The following WWC2 variants were observed in gnomAD, a reference collection of about 807,000 sequenced individuals.
The protein encoded by WWC2 is WW and C2 domain containing 2, also known as protein WWC2.
Under a neutral mutation model 138.5 loss-of-function variants are expected in WWC2, and 101 were observed. The observed-to-expected ratio is 0.73, with a 90% CI of 0.62 to 0.86. The LOEUF (loss-of-function observed/expected upper bound fraction) is 0.86, where lower values mean the gene tolerates loss of function less well. Ranked by LOEUF, WWC2 falls within the 40% of genes least tolerant of loss-of-function variation. The probability of loss-of-function intolerance (pLI) is 0.00; values close to 1 mark genes in which losing one functional copy is unlikely to be tolerated. For synonymous variants in WWC2, 558 were observed against 538.4 expected, an observed-to-expected ratio of 1.04 and a Z score of -0.50; for missense variants, 1,420 against 1,419.4, an observed-to-expected ratio of 1.00 and a Z score of -0.01.
intron 1 of WWC2, among the ~76,000 whole-genome samples, chr4:183,164,085 G>A: frequency 6.6e-6 from 1 of 151,468 alleles, no homozygotes. Context: ...ATTGTCTCTT[G>A]CACTTTGGAC....
intron 2 of WWC2, among the ~76,000 whole-genome samples, chr4:183,197,923 C>T (rs1040603291): frequency 6.6e-6 from 1 of 152,168 alleles, no homozygotes; most frequent in African/African-American, 2.4e-5. Flanking sequence ...CTCCCTACTG[C>T]GGCAGACATT....
At chr4:183,269,236 C>G (rs111509693) in intron 15 of WWC2, 73 bp downstream of exon 15, 9 of 1,460,412 alleles carry the variant, frequency 6.2e-6, no homozygotes, top group African/African-American at 5.6e-5. Context: ...TTTGTAGTTG[C>G]TATTTTGCCA....
chr4:183,183,483 C>CTAAGACAA (rs1214217280), intron 1 of WWC2, among the ~76,000 whole-genome samples: 1 of 152,118 alleles, frequency 6.6e-6, no homozygotes, highest in East Asian at 1.9e-4. Context: ...AGTTTCATCA[C>CTAAGACAA]TAAGACAAAG....
intron 21 of WWC2, among the ~76,000 whole-genome samples, chr4:183,295,298 C>T (rs1234342469): frequency 2.6e-5 from 4 of 152,214 alleles, no homozygotes; most frequent in African/African-American, 9.6e-5. Context: ...TCCCCTTTGC[C>T]TCATTCAAGC....
At chr4:183,263,178 A>G (rs188891798) in intron 11 of WWC2, among the ~76,000 whole-genome samples, 1 of 152,318 alleles carries the variant, frequency 6.6e-6, no homozygotes, top group East Asian at 1.9e-4. Flanking sequence ...TTGAACTTAC[A>G]TCTTTTGACC....
intron 6 of WWC2, among the ~76,000 whole-genome samples, chr4:183,246,917 T>A (rs1394980205): frequency 6.6e-6 from 1 of 152,318 alleles, no homozygotes; most frequent in African/African-American, 2.4e-5. Context: ...CATTGGAACC[T>A]TCTAATTCAA....
At chr4:183,215,706 C>G (rs1353856750) in intron 4 of WWC2, among the ~76,000 whole-genome samples, 2 of 152,044 alleles carry the variant, frequency 1.3e-5, no homozygotes, top group Admixed American at 6.6e-5. Context: ...AAACTGCAGG[C>G]TAAATATGTA....
chr4:183,159,396 A>G (rs915873876), intron 1 of WWC2, among the ~76,000 whole-genome samples: 1 of 152,044 alleles, frequency 6.6e-6, no homozygotes, highest in East Asian at 1.9e-4. Flanking sequence ...TTCTCTCAAC[A>G]GTTCTTATCT....
intron 4 of WWC2, among the ~76,000 whole-genome samples, chr4:183,226,036 A>G (rs1736060261): frequency 6.6e-6 from 1 of 152,122 alleles, no homozygotes; most frequent in Non-Finnish European, 1.5e-5. Flanking sequence ...TTAGAAGTCA[A>G]TAACAAAAAG....
chr4:183,238,959 A>G (rs1452420752), intron 4 of WWC2, among the ~76,000 whole-genome samples: 1 of 152,190 alleles, frequency 6.6e-6, no homozygotes, highest in Non-Finnish European at 1.5e-5. Context: ...GGAATGAGTA[A>G]AATAAATCAA....
intron 21 of WWC2, among the ~76,000 whole-genome samples, chr4:183,289,866 G>A (rs1266749633): frequency 6.6e-6 from 1 of 150,386 alleles, no homozygotes; most frequent in East Asian, 1.9e-4. Context: ...CAGGGGATGG[G>A]CGTGGCCAGT....
rs138347357 is a variant in WWC2 at position 183,191,712 on chromosome 4, A to G, written c.132-1887A>G. ...GGGCTCAAGAATTTGTATTATTTCT[A>G]TTATTTTTTTTTAATCATTTTAGTT... On this transcript the variant is annotated intron_variant, in intron 1 of 22. Transcript: ENST00000403733. 1.1e-3 allele frequency among the ~76,000 whole-genome samples: 141 copies of G among 133,856 alleles called. 1 individual carries two copies. Among genetic ancestry groups the G allele is most frequent in the African/African-American group, 3.5e-3 (129 of 36,352 alleles). The allele number at this position is 133,856 out of a possible 152,430, so 87.8% of individuals were successfully genotyped here.
At chr4:183,288,297 T>C (rs1302114723) in intron 20 of WWC2, among the ~76,000 whole-genome samples, 1 of 152,206 alleles carries the variant, frequency 6.6e-6, no homozygotes, top group East Asian at 1.9e-4. Context: ...GCATGAGCAC[T>C]ACCATTATTT....
At chr4:183,275,556 T>G (rs1580137468) in intron 16 of WWC2, among the ~76,000 whole-genome samples, 1 of 152,178 alleles carries the variant, frequency 6.6e-6, no homozygotes, top group South Asian at 2.1e-4. Context: ...TTGCATCTGT[T>G]GAGATGGTCA....
chr4:183,168,985 A>AT (rs1172835551), intron 1 of WWC2, among the ~76,000 whole-genome samples: 1 of 151,974 alleles, frequency 6.6e-6, no homozygotes, highest in Admixed American at 6.6e-5. Flanking sequence ...AGTAGCTGGT[A>AT]TTACAGGCGT....
At position 183,168,178 on chromosome 4, in the gene WWC2, C is replaced by CT. The variant is rs143205549; in HGVS notation, c.132-25405dup. On this transcript the variant is annotated intron_variant, in intron 1 of 22. Coordinates refer to ENST00000403733, the MANE Select transcript of WWC2 (RefSeq NM_024949.6). ...TGACTTTTTTTCTTTTCTTTTCTTT[C>CT]TTTTTTTTTTTTTTTTAAGATTTAG... Among the ~76,000 whole-genome samples the CT allele has an allele frequency of 1.1e-3, 152 of 138,808 alleles. 1 individual carries two copies. Among genetic ancestry groups the CT allele is most frequent in the East Asian group, 0.01 (50 of 4,818 alleles). 91.1% of individuals were successfully genotyped at this position (138,808 alleles called of 152,430 possible).
intron 4 of WWC2, among the ~76,000 whole-genome samples, chr4:183,226,377 C>G (rs1004650041): frequency 1.3e-5 from 2 of 150,648 alleles, no homozygotes; most frequent in African/African-American, 2.5e-5. Flanking sequence ...CACATACTTT[C>G]AGTATAATGC....
chr4:183,183,033 G>T (rs1219961761), intron 1 of WWC2, among the ~76,000 whole-genome samples: 1 of 152,210 alleles, frequency 6.6e-6, no homozygotes, highest in Non-Finnish European at 1.5e-5. Context: ...CGAGAAGAAG[G>T]CAGGGTCCCT....
At chr4:183,196,205 CCT>C (rs1395281238) in intron 2 of WWC2, among the ~76,000 whole-genome samples, 4 of 152,130 alleles carry the variant, frequency 2.6e-5, no homozygotes, top group Non-Finnish European at 5.9e-5. Flanking sequence ...GTTAATTAAA[CCT>C]CTTTTCTTCA....
Sources: allele counts gnomAD v4.1 joint callset (sites outside exome capture counted in the v4.1 genomes callset), GRCh38; gene constraint gnomAD v4.1.1; transcripts MANE v1.5; gene names NCBI Gene and HGNC (gene_info 2026-07-23, HGNC 2026-07-21).